The following GUSB variants were observed in gnomAD, a reference collection of about 807,000 sequenced individuals.
GUSB encodes the protein glucuronidase beta, also known as beta-glucuronidase.
In GUSB, 51 loss-of-function variants were observed where a neutral mutation model predicts 74.6. The observed-to-expected ratio is 0.68, with a 90% CI of 0.55 to 0.86. The LOEUF is 0.86. Among genes scored for constraint, GUSB ranks in the 40% least tolerant of loss-of-function variants. The pLI, the probability that GUSB is intolerant of heterozygous loss-of-function variation, is 0.00. For synonymous variants in GUSB, 360 were observed against 348.3 expected, an observed-to-expected ratio of 1.03 and a Z score of -0.37; for missense variants, 736 against 853.7, an observed-to-expected ratio of 0.86 and a Z score of 1.72.
intron 8 of GUSB, among the ~76,000 whole-genome samples, chr7:65,971,527 G>A (rs1422900208): frequency 6.6e-6 from 1 of 152,102 alleles, no homozygotes; most frequent in Non-Finnish European, 1.5e-5. Flanking sequence ...AAGAGTTTGA[G>A]ACCAGCCTGG....
intron 9 of GUSB, among the ~76,000 whole-genome samples, chr7:65,969,136 G>A (rs981356815): frequency 3.3e-5 from 5 of 151,940 alleles, no homozygotes; most frequent in Non-Finnish European, 2.9e-5. Context: ...ATCCCAGCAC[G>A]TTGGGAGGCC....
chr7:65,967,633 C>T (rs540344035), intron 10 of GUSB, 98 bp downstream of exon 10: 20 of 1,014,714 alleles, frequency 2.0e-5, no homozygotes, highest in Middle Eastern at 4.7e-4. Flanking sequence ...AAAGCTGAAG[C>T]GAGGGGAGCA....
At chr7:65,974,787 C>T (rs920862339) in intron 6 of GUSB, 83 bp from the exon 7 acceptor site, 2 of 1,558,228 alleles carry the variant, frequency 1.3e-6, no homozygotes, top group African/African-American at 2.7e-5. Flanking sequence ...AGAGCCACCC[C>T]ATGAGCCCCC....
chr7:65,972,826 C>T (rs1016305975), intron 8 of GUSB, among the ~76,000 whole-genome samples: 1 of 152,212 alleles, frequency 6.6e-6, no homozygotes, highest in African/African-American at 2.4e-5. Flanking sequence ...GCTGAGCACA[C>T]CCCTGTGCCC....
intron 2 of GUSB, 39 bp downstream of exon 2, chr7:65,980,185 G>GAA: frequency 2.8e-6 from 2 of 725,274 alleles, no homozygotes; most frequent in South Asian, 1.5e-5. Flanking sequence ...CAGCAGCCGT[G>GAA]CCCCCCCACC....
Position 65,979,921 on chromosome 7 carries a change from C to T in GUSB, c.397-10G>A, listed in dbSNP as rs774576359. ...CGACCCCATTCACCCACTGCAGACACAGGAGATACGGGGAGGGGGCTGCAG... is the reference window on the plus strand; with the variant it reads ...CGACCCCATTCACCCACTGCAGACATAGGAGATACGGGGAGGGGGCTGCAG... On this transcript the variant is annotated splice_polypyrimidine_tract_variant and intron_variant, in intron 2 of 11. Transcript: ENST00000304895. 1 of 1,580,502 alleles carries T rather than the reference C, an allele frequency of 6.3e-7. No individual in the cohort carries two copies. Among genetic ancestry groups the T allele is most frequent in the South Asian group, 1.1e-5 (1 of 88,528 alleles).
At chr7:65,981,953 G>C (rs777997176) in intron 1 of GUSB, 21 bp downstream of exon 1, 1 of 1,593,054 alleles carries the variant, frequency 6.3e-7, no homozygotes, top group Non-Finnish European at 8.5e-7. Flanking sequence ...GGCGCCTCCC[G>C]GCCCTGCCCC....
chr7:65,968,242 A>G (rs923021650), intron 9 of GUSB, among the ~76,000 whole-genome samples: 5 of 151,850 alleles, frequency 3.3e-5, no homozygotes, highest in African/African-American at 1.2e-4. Flanking sequence ...AAAAAAAAAA[A>G]AAAAAAAAAC....
Position 65,975,987 on chromosome 7 carries a change from C to T in GUSB, c.912+28G>A. 2 of 1,603,574 alleles carry T rather than the reference C, an allele frequency of 1.2e-6. 1 individual carries two copies. Among genetic ancestry groups the T allele is most frequent in the South Asian group, 2.2e-5 (2 of 89,840 alleles). Reference sequence around the variant, plus strand: ...TCACCACATGGGGGCAAAAGACCTCCCTTAGGCATGTCCCAAACCACCATT... The same window carrying T: ...TCACCACATGGGGGCAAAAGACCTCTCTTAGGCATGTCCCAAACCACCATT... On this transcript the variant is annotated intron_variant, in intron 5 of 11. Transcript: ENST00000304895.
In GUSB at chr7:65,979,520, G is replaced by C; in HGVS notation, c.603C>G (p.Val201=). The change falls in exon 4 of 12, where the codon GTC becomes GTG. Residue 201 remains valine, a synonymous_variant. Coordinates refer to ENST00000304895, the MANE Select transcript of GUSB (RefSeq NM_000181.4). ...DTSKYPKGYF[V]QNTYFDFFNY... ...TGAAAAAGTCAAAATATGTGTTCTG[G>C]ACAAAGTAACCCTTGGGATACCTAG... 3 of 1,614,158 alleles carry C rather than the reference G, an allele frequency of 1.9e-6. No individual in the cohort carries two copies. The highest frequency in any genetic ancestry group is 2.5e-6 in the Non-Finnish European group (3 of 1,180,010).
chr7:65,973,705 T>A (rs143391905), intron 8 of GUSB, among the ~76,000 whole-genome samples: 2 of 151,874 alleles, frequency 1.3e-5, no homozygotes, highest in East Asian at 3.9e-4. Flanking sequence ...TGCAGTGAGC[T>A]GAGATCATGC....
intron 1 of GUSB, chr7:65,980,917 C>G (rs1308281739): frequency 9.7e-6 from 2 of 206,082 alleles, no homozygotes; most frequent in African/African-American, 4.6e-5. Flanking sequence ...AGATCACATC[C>G]AAGTCAGGAG....
chr7:65,967,409 G>A (rs1388269567), intron 10 of GUSB, among the ~76,000 whole-genome samples: 4 of 152,068 alleles, frequency 2.6e-5, no homozygotes, highest in African/African-American at 7.2e-5. Flanking sequence ...AGCAGTGATC[G>A]CACCACCACA....
chr7:65,974,482 C>T (rs368657737), intron 7 of GUSB, 41 bp from the exon 8 acceptor site: 2 of 1,613,974 alleles, frequency 1.2e-6, no homozygotes, highest in Non-Finnish European at 1.7e-6. Flanking sequence ...CACGGTGACG[C>T]CCCCGGGCTG....
chr7:65,979,648 G>A (rs1216632589), intron 3 of GUSB, 79 bp downstream of exon 3: 1 of 1,588,096 alleles, frequency 6.3e-7, no homozygotes. Context: ...CTCTGTGAAG[G>A]CCACCCAGTC....
chr7:65,974,534 C>A lies in GUSB; in HGVS notation c.1236G>T (p.Leu412=). The A allele has an allele frequency of 6.2e-7, 1 of 1,614,186 alleles. No individual in the cohort carries two copies. The highest frequency in any genetic ancestry group is 8.5e-7 in the Non-Finnish European group (1 of 1,180,054). Residue 412 remains leucine, a synonymous_variant, in exon 7 of 12, where the codon CTG becomes CTT. Coordinates refer to ENST00000304895, the MANE Select transcript of GUSB (RefSeq NM_000181.4). ...VVIDECPGVG[L]ALPQFFNNVS... ...GCACAGCAGAGACTCACGGCAGCGC[C>A]AGGCCCACGCCGGGACACTCATCGA...
chr7:65,974,634 T>C lies in GUSB; in HGVS notation c.1136A>G (p.Asn379Ser), dbSNP rs1289930946. Residue 379 changes from asparagine (N) to serine (S), a missense_variant, in exon 7 of 12, where the codon AAC (asparagine) becomes AGC (serine). Physicochemically the swap from Asn to Ser is conservative, Grantham distance 46 (BLOSUM62 1). Coordinates refer to ENST00000304895, the MANE Select transcript of GUSB (RefSeq NM_000181.4). ...DFNLLRWLGA[N>S]AFRTSHYPYA... Reference sequence around the variant, plus strand: ...GGGGTAGTGGCTGGTACGGAAAGCGTTGGCACCAAGCCAGCGAAGCAGGTT... The same window carrying C: ...GGGGTAGTGGCTGGTACGGAAAGCGCTGGCACCAAGCCAGCGAAGCAGGTT... The C allele has an allele frequency of 1.2e-6, 2 of 1,613,962 alleles. No individual in the cohort carries two copies. Among genetic ancestry groups the C allele is most frequent in the South Asian group, 1.1e-5 (1 of 91,084 alleles).
Position 65,964,415 on chromosome 7 carries a change from A to C in GUSB, c.1697T>G (p.Leu566Arg). The C allele has an allele frequency of 6.2e-7, 1 of 1,610,970 alleles. No homozygotes were observed. The part of the protein sequence containing the change: ...MFTEEYQKSL[L>R]EQYHLGLDQK... ...ATCCAGACCCAGATGGTACTGCTCT[A>C]GCAGACTTTTCTGGTACTCTTCAGT... is the stretch of plus-strand genomic sequence containing the variant. The change falls in exon 11 of 12, where the codon CTA (leucine) becomes CGA (arginine). Residue 566 changes from leucine (L) to arginine (R), a missense_variant. Coordinates refer to ENST00000304895, the MANE Select transcript of GUSB (RefSeq NM_000181.4).
intron 8 of GUSB, among the ~76,000 whole-genome samples, chr7:65,971,792 G>A (rs1037457598): frequency 1.3e-5 from 2 of 151,172 alleles, no homozygotes; most frequent in African/African-American, 4.9e-5. Context: ...TGTGGCCCCA[G>A]CTATTTGGGA....
Sources: allele counts gnomAD v4.1 joint callset (sites outside exome capture counted in the v4.1 genomes callset), GRCh38; gene constraint gnomAD v4.1.1; transcripts MANE v1.5; gene names NCBI Gene and HGNC (gene_info 2026-07-23, HGNC 2026-07-21).